The following ASB17 variants were observed in gnomAD, a reference collection of about 807,000 sequenced individuals.
ASB17 encodes the protein ankyrin repeat and SOCS box containing 17.
Under a neutral mutation model 25.7 loss-of-function variants are expected in ASB17, and 26 were observed. The observed-to-expected ratio is 1.01, with a 90% CI of 0.74 to 1.40. The LOEUF (loss-of-function observed/expected upper bound fraction) is 1.40. Ranked by LOEUF, ASB17 falls within the 40% of genes most tolerant of loss-of-function variation. The probability of loss-of-function intolerance (pLI) is 0.00; values close to 1 mark genes in which losing one functional copy is unlikely to be tolerated. For synonymous variants in ASB17, 128 were observed against 121.4 expected, an observed-to-expected ratio of 1.05 and a Z score of -0.36; for missense variants, 326 against 338.5, an observed-to-expected ratio of 0.96 and a Z score of 0.29.
intron 1 of ASB17, among the ~76,000 whole-genome samples, chr1:75,929,067 C>T (rs963967591): frequency 2.0e-5 from 3 of 151,870 alleles, no homozygotes; most frequent in African/African-American, 7.3e-5. Context: ...TATTATGAGG[C>T]CTTATGGCAG....
Position 75,922,488 on chromosome 1 carries a change from CTTTTTTTTTTT to C in ASB17, c.402-140_402-130del, listed in dbSNP as rs3037164. ...GTCTTAAATGTAACTTTATATGTTT[CTTTTTTTTTTT>C]TTTTTTTTTTTTTTGAGATGGAGTT... On this transcript the variant is annotated intron_variant, in intron 1 of 2. Coordinates refer to ENST00000284142, the MANE Select transcript of ASB17 (RefSeq NM_080868.3). 171 of 122,356 alleles carry C rather than the reference CTTTTTTTTTTT, an allele frequency of 1.4e-3. 3 individuals are homozygous for C. Among genetic ancestry groups the C allele is most frequent in the Middle Eastern group, 5.2e-3 (1 of 194 alleles). 7.6% of individuals were successfully genotyped at this position (122,356 alleles called of 1,614,324 possible).
chr1:75,919,199 A>G lies in ASB17; in HGVS notation c.682-41T>C, dbSNP rs772838618. 5.1e-5 allele frequency: 70 copies of G among 1,385,628 alleles called. No individual in the cohort carries two copies. In the Middle Eastern group the frequency reaches 1.0e-3, roughly 20 times the overall value. 85.8% of individuals were successfully genotyped at this position (1,385,628 alleles called of 1,614,324 possible). On this transcript the variant is annotated intron_variant, in intron 2 of 2. Transcript: ENST00000284142. ...ATATTTTACTTTTGTAATGTTTTGT[A>G]ATTTGGATTAGTCCAAATTATTAAA...
intron 1 of ASB17, among the ~76,000 whole-genome samples, chr1:75,926,479 G>A (rs1444829676): frequency 1.3e-5 from 2 of 152,194 alleles, no homozygotes; most frequent in African/African-American, 4.8e-5. Flanking sequence ...AGTGATGAAG[G>A]AAGAATAACG....
chr1:75,931,795 T>C, intron 1 of ASB17, 96 bp downstream of exon 1: 2 of 1,130,174 alleles, frequency 1.8e-6, no homozygotes, highest in Non-Finnish European at 2.4e-6. Context: ...ACTTCACATA[T>C]AGCCACTATA....
intron 2 of ASB17, among the ~76,000 whole-genome samples, chr1:75,920,244 T>C (rs555173216): frequency 6.6e-4 from 100 of 152,350 alleles, no homozygotes; most frequent in Admixed American, 2.8e-3. Flanking sequence ...AAAGGCATCT[T>C]TTAAAATATT....
intron 1 of ASB17, among the ~76,000 whole-genome samples, chr1:75,929,562 C>T (rs140328286): frequency 1.8e-3 from 278 of 152,220 alleles, no homozygotes; most frequent in Middle Eastern, 3.4e-3. Context: ...GAATGTTATA[C>T]CCCTTGTATA....
chr1:75,923,291 A>C (rs1255581738), intron 1 of ASB17, among the ~76,000 whole-genome samples: 18 of 152,148 alleles, frequency 1.2e-4, no homozygotes, highest in Admixed American at 1.2e-3. Flanking sequence ...TCTTGAGTAA[A>C]ATTTTGAAAT....
intron 1 of ASB17, among the ~76,000 whole-genome samples, chr1:75,927,425 A>C (rs922986420): frequency 2.6e-5 from 4 of 152,058 alleles, no homozygotes; most frequent in Non-Finnish European, 5.9e-5. Flanking sequence ...GTGTCTTGTA[A>C]TTCTGTCTAA....
At position 75,922,277 on chromosome 1, in the gene ASB17, T is replaced by C. The variant is rs200439606; in HGVS notation, c.484A>G (p.Ile162Val). Reference sequence around the variant, plus strand: ...CCATATTGCAGTAGTATTTTGAAGATATTAGACTGTCTTGTCTGAGCTACA... The same window carrying C: ...CCATATTGCAGTAGTATTTTGAAGACATTAGACTGTCTTGTCTGAGCTACA... ...FYVAQTRQSN[I>V]FKILLQYGIL... Residue 162 changes from isoleucine to valine, a missense_variant, in exon 2 of 3, where the codon ATC becomes GTC. Transcript: ENST00000284142. The C allele has an allele frequency of 4.4e-5, 71 of 1,613,352 alleles. No individual in the cohort carries two copies. The highest frequency in any genetic ancestry group is 1.7e-6 in the Non-Finnish European group (2 of 1,179,478).
chr1:75,927,065 T>C (rs952857093), intron 1 of ASB17, among the ~76,000 whole-genome samples: 2 of 152,116 alleles, frequency 1.3e-5, no homozygotes, highest in African/African-American at 4.8e-5. Context: ...ATGAATAAGA[T>C]ATGATGATAT....
Position 75,932,306 on chromosome 1 carries a change from G to A in ASB17, c.-15C>T. On this transcript the variant is annotated 5_prime_UTR_variant, in exon 1 of 3. Coordinates refer to ENST00000284142, the MANE Select transcript of ASB17 (RefSeq NM_080868.3). ...GATTTACTCATTGTTACTTATAGCA[G>A]CACTGTAGAAATAAAATCAGAGGTA... is the stretch of plus-strand genomic sequence containing the variant. 1.3e-6 allele frequency: 2 copies of A among 1,570,844 alleles called. No individual in the cohort carries two copies. The highest frequency in any genetic ancestry group is 1.4e-5 in the African/African-American group (1 of 73,580).
chr1:75,931,458 CA>C (rs1653319216), intron 1 of ASB17, among the ~76,000 whole-genome samples: 3 of 152,246 alleles, frequency 2.0e-5, no homozygotes, highest in South Asian at 4.1e-4. Flanking sequence ...AAATGTTTAA[CA>C]CACAAATAGG....
At chr1:75,924,932 T>TGAGG (rs1252421332) in intron 1 of ASB17, among the ~76,000 whole-genome samples, 10 of 152,240 alleles carry the variant, frequency 6.6e-5, no homozygotes, top group African/African-American at 1.9e-4. Context: ...ACTTTGTACC[T>TGAGG]ACCTACATTA....
In ASB17 at chr1:75,932,214, A is replaced by C; in HGVS notation, c.78T>G (p.Ile26Met). 6.2e-7 allele frequency: 1 copy of C among 1,614,008 alleles called. No individual in the cohort carries two copies. The highest frequency in any genetic ancestry group is 8.5e-7 in the Non-Finnish European group (1 of 1,179,934). Residue 26 changes from isoleucine (I) to methionine (M), a missense_variant, in exon 1 of 3, where the codon ATT becomes ATG. Ile to Met is a conservative substitution (Grantham distance 10). Transcript: ENST00000284142. ...AAAACTGTAGGGAGGGTCTTTTAAC[A>C]ATTTTGTCAAGGAGATTGCAGAATA... ...SNIFCNLLDK[I>M]VKRPSLQFLG...
chr1:75,926,891 G>A (rs1387669637), intron 1 of ASB17, among the ~76,000 whole-genome samples: 5 of 69,422 alleles, frequency 7.2e-5, no homozygotes, highest in Non-Finnish European at 1.0e-4. Flanking sequence ...ATTTTATCTC[G>A]ATAAGCTTGT....
intron 1 of ASB17, among the ~76,000 whole-genome samples, chr1:75,922,921 A>G (rs1187137522): frequency 2.0e-5 from 3 of 152,238 alleles, no homozygotes; most frequent in African/African-American, 7.2e-5. Flanking sequence ...AATTTATAAT[A>G]TATGTAAAGT....
At chr1:75,931,865 A>G (rs192225086) in intron 1 of ASB17, 26 bp downstream of exon 1, 15 of 1,536,430 alleles carry the variant, frequency 9.8e-6, no homozygotes, top group Admixed American at 4.3e-5. Context: ...TTCTTGTTCT[A>G]TAGTGAAAAC....
chr1:75,926,693 T>C (rs1048725094), intron 1 of ASB17, among the ~76,000 whole-genome samples: 8 of 152,238 alleles, frequency 5.3e-5, no homozygotes, highest in African/African-American at 1.9e-4. Flanking sequence ...AACATAGTAG[T>C]GGAGACAGCC....
At chr1:75,930,956 C>T (rs2100617044) in intron 1 of ASB17, among the ~76,000 whole-genome samples, 1 of 152,262 alleles carries the variant, frequency 6.6e-6, no homozygotes, top group Middle Eastern at 3.4e-3. Flanking sequence ...TTCCAAACTA[C>T]AGCTATCAGT....
Sources: allele counts gnomAD v4.1 joint callset (sites outside exome capture counted in the v4.1 genomes callset), GRCh38; gene constraint gnomAD v4.1.1; transcripts MANE v1.5; gene names NCBI Gene and HGNC (gene_info 2026-07-23, HGNC 2026-07-21).